The following DAB1 variants were observed in gnomAD, a reference collection of about 807,000 sequenced individuals.
DAB1 encodes disabled homolog 1.
A neutral mutation model predicts 64.6 loss-of-function variants in DAB1; 15 were observed. The ratio of observed to expected loss-of-function variants is 0.23; its 90% confidence interval spans 0.16 to 0.36. The LOEUF is 0.36. Among genes scored for constraint, DAB1 ranks in the 10% least tolerant of loss-of-function variants. The pLI is 1.00. For missense variants in DAB1, 596 were observed against 706.7 expected (o/e 0.84, Z 1.78); for synonymous variants, 235 against 251.9 (o/e 0.93, Z 0.64).
intron 2 of DAB1, among the ~76,000 whole-genome samples, chr1:58,520,525 A>T (rs1646245730): frequency 6.6e-6 from 1 of 152,130 alleles, no homozygotes; most frequent in Admixed American, 6.6e-5. Flanking sequence ...AAATAGACTA[A>T]CTTTTCCCCA....
chr1:57,723,043 G>A (rs1647170096), intron 6 of DAB1, among the ~76,000 whole-genome samples: 1 of 152,126 alleles, frequency 6.6e-6, no homozygotes, highest in African/African-American at 2.4e-5. Flanking sequence ...TAAAAACCAA[G>A]CTCTTTACTC....
At chr1:58,154,261 G>A (rs1023277213) in intron 4 of DAB1, among the ~76,000 whole-genome samples, 16 of 151,934 alleles carry the variant, frequency 1.1e-4, no homozygotes, top group Non-Finnish European at 2.9e-5. Context: ...AATATCTATT[G>A]AGCAAAAAAG....
chr1:57,801,216 G>A (rs1651108705), intron 6 of DAB1, among the ~76,000 whole-genome samples: 1 of 152,196 alleles, frequency 6.6e-6, no homozygotes, highest in African/African-American at 2.4e-5. Flanking sequence ...AAGAAGACTG[G>A]CATCTATTCC....
chr1:57,097,479 T>C (rs953833535), intron 4 of DAB1, among the ~76,000 whole-genome samples: 1 of 152,186 alleles, frequency 6.6e-6, no homozygotes, highest in Non-Finnish European at 1.5e-5. Flanking sequence ...AAGTGATGTA[T>C]GTCACTTAGG....
intron 9 of DAB1, among the ~76,000 whole-genome samples, chr1:57,027,551 C>A (rs552465114): frequency 6.6e-6 from 1 of 152,162 alleles, no homozygotes; most frequent in East Asian, 1.9e-4. Flanking sequence ...ATAGTAGCTA[C>A]CCCCCAACAG....
chr1:57,917,820 T>C (rs1412779434), intron 5 of DAB1, among the ~76,000 whole-genome samples: 1 of 152,186 alleles, frequency 6.6e-6, no homozygotes, highest in Non-Finnish European at 1.5e-5. Context: ...CATGCTCACA[T>C]TGATGCTACT....
At chr1:58,539,639 C>CT (rs1387854212) in intron 1 of DAB1, among the ~76,000 whole-genome samples, 14 of 152,240 alleles carry the variant, frequency 9.2e-5, no homozygotes, top group Admixed American at 2.0e-4. Flanking sequence ...AACAGTAAAA[C>CT]TTTATCAGTT....
chr1:57,613,052 G>A (rs1173851043), intron 7 of DAB1, among the ~76,000 whole-genome samples: 1 of 152,080 alleles, frequency 6.6e-6, no homozygotes, highest in African/African-American at 2.4e-5. Flanking sequence ...TTTGAAGGAA[G>A]TAGCATACAT....
At chr1:58,008,586 C>T (rs1008011819) in intron 5 of DAB1, among the ~76,000 whole-genome samples, 1 of 151,992 alleles carries the variant, frequency 6.6e-6, no homozygotes, top group Admixed American at 6.6e-5. Flanking sequence ...CATAGCGGTT[C>T]GGTGTGTGAA....
chr1:57,110,250 G>A (rs1655535646), intron 4 of DAB1, among the ~76,000 whole-genome samples: 1 of 152,190 alleles, frequency 6.6e-6, no homozygotes, highest in South Asian at 2.1e-4. Flanking sequence ...AGAGAAGTGA[G>A]TGTTCTAATG....
chr1:57,145,399 T>C lies in DAB1; in HGVS notation c.98A>G (p.Lys33Arg), dbSNP rs778042089. 3.1e-6 allele frequency: 5 copies of C among 1,613,894 alleles called. No homozygotes were observed. In the South Asian group the frequency reaches 5.5e-5, roughly 18 times the overall value. Reference protein sequence around the residue: ...GQDRSEATLIKRFKGEGVRYK... With the variant: ...GQDRSEATLIRRFKGEGVRYK... ...CCGGACCCCTTCACCTTTAAACCTC[T>C]TTATCAAAGTGGCTTCACTGCGATC... The change falls in exon 3 of 15, where the codon AAG becomes AGG. Residue 33 changes from lysine (K) to arginine (R), a missense_variant. Physicochemically the swap from Lys to Arg is conservative, Grantham distance 26. Around this residue, in one of 3 missense-constraint regions of DAB1, gnomAD observed 43 missense variants for 39.6 expected, o/e 1.09. Transcript: ENST00000371236.
intron 3 of DAB1, among the ~76,000 whole-genome samples, chr1:58,414,538 G>A (rs963014282): frequency 6.6e-6 from 1 of 152,062 alleles, no homozygotes; most frequent in Non-Finnish European, 1.5e-5. Flanking sequence ...TACAGTAAGT[G>A]TTTCATGTTT....
chr1:58,543,709 A>T (rs939068701), intron 1 of DAB1, among the ~76,000 whole-genome samples: 10 of 152,238 alleles, frequency 6.6e-5, no homozygotes, highest in Non-Finnish European at 2.9e-5. Flanking sequence ...TCTTTAAAAG[A>T]TTTAAAAGAT....
intron 2 of DAB1, among the ~76,000 whole-genome samples, chr1:58,516,685 G>GT (rs1293061566): frequency 2.0e-5 from 3 of 152,124 alleles, no homozygotes; most frequent in African/African-American, 7.2e-5. Context: ...GAGTAACATC[G>GT]TTTTTGTGAA....
At chr1:58,169,179 C>T (rs1472181438) in intron 4 of DAB1, among the ~76,000 whole-genome samples, 1 of 152,160 alleles carries the variant, frequency 6.6e-6, no homozygotes, top group Non-Finnish European at 1.5e-5. Context: ...GGTCCAGGGA[C>T]CGTTGCAGGT....
intron 2 of DAB1, among the ~76,000 whole-genome samples, chr1:57,149,992 T>G (rs780601266): frequency 3.3e-5 from 5 of 152,170 alleles, no homozygotes; most frequent in Non-Finnish European, 5.9e-5. Flanking sequence ...TTACTTCTCA[T>G]CCTGTCCTAC....
At chr1:58,518,164 C>T (rs1181692141) in intron 2 of DAB1, among the ~76,000 whole-genome samples, 1 of 129,766 alleles carries the variant, frequency 7.7e-6, no homozygotes, top group Non-Finnish European at 1.6e-5. Context: ...CCAGCCTGGG[C>T]AACAAAAGTG....
At chr1:57,529,818 T>C (rs568247819) in intron 7 of DAB1, among the ~76,000 whole-genome samples, 1 of 152,310 alleles carries the variant, frequency 6.6e-6, no homozygotes, top group African/African-American at 2.4e-5. Flanking sequence ...CTCCTCCTTG[T>C]TGTTTTTTAG....
chr1:57,025,190 G>T (rs1358701909), intron 10 of DAB1, among the ~76,000 whole-genome samples: 1 of 152,208 alleles, frequency 6.6e-6, no homozygotes, highest in Admixed American at 6.5e-5. Context: ...GGGCTGGAGG[G>T]GCCATCTCGG....
Sources: allele counts gnomAD v4.1 joint callset (sites outside exome capture counted in the v4.1 genomes callset), GRCh38; gene constraint gnomAD v4.1.1; regional missense constraint gnomAD v4.1.1; transcripts MANE v1.5; gene names NCBI Gene and HGNC (gene_info 2026-07-23, HGNC 2026-07-21).